ARG2: variants seen among roughly 807,000 people sequenced by gnomAD.
ARG2 encodes the protein arginase 2.
In ARG2, 21 loss-of-function variants were observed where a neutral mutation model predicts 39.4. That is an observed-to-expected ratio of 0.53 (90% CI 0.38 to 0.77). The LOEUF (loss-of-function observed/expected upper bound fraction) is 0.77, where lower values mean the gene tolerates loss of function less well. Ranked by LOEUF, ARG2 falls within the 30% of genes least tolerant of loss-of-function variation. The pLI is 0.00. For missense variants in ARG2, 378 were observed against 426.2 expected, an observed-to-expected ratio of 0.89 and a Z score of 1.00; for synonymous variants, 150 against 156.7, an observed-to-expected ratio of 0.96 and a Z score of 0.32.
chr14:67,621,068 C>A (rs1166750426), intron 2 of ARG2, 102 bp downstream of exon 2: 2 of 1,076,442 alleles, frequency 1.9e-6, no homozygotes, highest in African/African-American at 1.6e-5. Flanking sequence ...TGTTTGGGAA[C>A]AGTCTGCCAC....
chr14:67,635,343 TTTACC>T (rs1236885424), intron 2 of ARG2, among the ~76,000 whole-genome samples: 1 of 152,124 alleles, frequency 6.6e-6, no homozygotes, highest in African/African-American at 2.4e-5. Context: ...ACCAAATGAG[TTTACC>T]TAAATAACAG....
chr14:67,639,741 C>T (rs372185733), intron 2 of ARG2, among the ~76,000 whole-genome samples: 53 of 151,922 alleles, frequency 3.5e-4, no homozygotes, highest in South Asian at 1.9e-3. Flanking sequence ...GCCAACATGG[C>T]GAAACCCTGT....
At chr14:67,621,513 T>C (rs2036810494) in intron 2 of ARG2, among the ~76,000 whole-genome samples, 2 of 151,906 alleles carry the variant, frequency 1.3e-5, no homozygotes, top group East Asian at 3.9e-4. Flanking sequence ...TGGAGTGCAG[T>C]GATGCAATAT....
chr14:67,644,859 A>T (rs925092695), intron 3 of ARG2, among the ~76,000 whole-genome samples: 2 of 152,098 alleles, frequency 1.3e-5, no homozygotes, highest in Non-Finnish European at 2.9e-5. Context: ...TTAGCCAGGC[A>T]TGGTGGCATG....
intron 2 of ARG2, among the ~76,000 whole-genome samples, chr14:67,626,619 C>T (rs947711220): frequency 6.6e-6 from 1 of 152,118 alleles, no homozygotes; most frequent in Admixed American, 6.6e-5. Context: ...CACAGGCAAG[C>T]ACCACCATGC....
rs2140795199 is a variant in ARG2, at chr14:67,651,607, TAGC to T, written c.*690_*692del. ...CTGTATGTTTGATCACACAGCCACTTAGCAGGAAGTACTCATAAGGTTCTTTAG... is the reference window on the plus strand; with the variant it reads ...CTGTATGTTTGATCACACAGCCACTTAGGAAGTACTCATAAGGTTCTTTAG... On this transcript the variant is annotated 3_prime_UTR_variant, in exon 8 of 8. Transcript: ENST00000261783. 9.9e-7 allele frequency: 1 copy of T among 1,010,444 alleles called. No homozygotes were observed. The highest frequency in any genetic ancestry group is 2.8e-5 in the East Asian group (1 of 36,098). 62.6% of individuals were successfully genotyped at this position (1,010,444 alleles called of 1,614,324 possible).
chr14:67,645,504 T>C (rs1403010615), intron 3 of ARG2, 139 bp from the exon 4 acceptor site: 2 of 885,650 alleles, frequency 2.3e-6, no homozygotes, highest in East Asian at 2.7e-5. Flanking sequence ...CTACAGGTCT[T>C]GCCTCACCCA....
chr14:67,638,469 C>T (rs1297990618), intron 2 of ARG2, among the ~76,000 whole-genome samples: 1 of 152,144 alleles, frequency 6.6e-6, no homozygotes, highest in African/African-American at 2.4e-5. Context: ...TCCAATTTTA[C>T]AGAGAATTTC....
chr14:67,647,883 A>G, intron 6 of ARG2, 164 bp from the exon 7 acceptor site: 1 of 694,236 alleles, frequency 1.4e-6, no homozygotes, highest in Non-Finnish European at 2.3e-6. Context: ...AATCTCAGTA[A>G]CTTCCAAGAA....
intron 2 of ARG2, among the ~76,000 whole-genome samples, chr14:67,623,042 T>A (rs186633208): frequency 6.6e-6 from 1 of 152,198 alleles, no homozygotes; most frequent in African/African-American, 2.4e-5. Context: ...GAGGCTTCAG[T>A]TTATATGGCC....
In ARG2 at chr14:67,651,614, A is replaced by AAGT; in HGVS notation, c.*696_*698dup. 1 of 926,608 alleles carries AAGT rather than the reference A, an allele frequency of 1.1e-6. No homozygotes were observed. Among genetic ancestry groups the AAGT allele is most frequent in the Non-Finnish European group, 1.6e-6 (1 of 633,284 alleles). The allele number at this position is 926,608 out of a possible 1,614,324, so 57.4% of individuals were successfully genotyped here. ...TTTGATCACACAGCCACTTAGCAGGAAGTACTCATAAGGTTCTTTAGCTGT... is the reference window on the plus strand; with the variant it reads ...TTTGATCACACAGCCACTTAGCAGGAAGTAGTACTCATAAGGTTCTTTAGCTGT... On this transcript the variant is annotated 3_prime_UTR_variant, in exon 8 of 8. Transcript: ENST00000261783.
Position 67,619,927 on chromosome 14 carries a change from G to C in ARG2, c.-51G>C. ...CGGCGGGCGGTGGCGCTCACTCCCG[G>C]CTTCCAACCGCGCGGAGCCTCTGCC... On this transcript the variant is annotated 5_prime_UTR_variant, in exon 1 of 8. Transcript: ENST00000261783. The C allele has an allele frequency of 7.6e-7, 1 of 1,312,578 alleles. No individual in the cohort carries two copies. 81.3% of individuals were successfully genotyped at this position (1,312,578 alleles called of 1,614,324 possible).
intron 2 of ARG2, among the ~76,000 whole-genome samples, chr14:67,634,873 G>A (rs1353159880): frequency 6.6e-6 from 1 of 152,218 alleles, no homozygotes; most frequent in Non-Finnish European, 1.5e-5. Context: ...CTTGGAGGAA[G>A]GAGATGTTAC....
chr14:67,639,706 C>T (rs1566801953), intron 2 of ARG2, among the ~76,000 whole-genome samples: 4 of 151,836 alleles, frequency 2.6e-5, no homozygotes, highest in South Asian at 2.1e-4. Flanking sequence ...GGATCACTTG[C>T]GGTCAGGAGT....
intron 2 of ARG2, among the ~76,000 whole-genome samples, chr14:67,624,399 T>C (rs774831888): frequency 1.3e-5 from 2 of 152,178 alleles, no homozygotes; most frequent in African/African-American, 2.4e-5. Flanking sequence ...TGAGACTGGG[T>C]AATTTAAAAA....
At chr14:67,649,513 T>C (rs1231344855) in intron 7 of ARG2, 4 of 152,104 alleles carry the variant, frequency 2.6e-5, no homozygotes, top group African/African-American at 9.7e-5. Flanking sequence ...ATAAGTCATG[T>C]ATATATTTCT....
chr14:67,630,305 G>A (rs2036906308), intron 2 of ARG2, among the ~76,000 whole-genome samples: 1 of 152,186 alleles, frequency 6.6e-6, no homozygotes, highest in Admixed American at 6.5e-5. Flanking sequence ...TAAACAATTT[G>A]GAAAGTAGTC....
chr14:67,648,271 C>T, intron 7 of ARG2, 88 bp downstream of exon 7: 1 of 1,429,032 alleles, frequency 7.0e-7, no homozygotes. Context: ...TCTGCTATTC[C>T]ACATCATTGC....
In ARG2 at chr14:67,620,911, G is replaced by GC. The variant is rs1566793021; in HGVS notation, c.130dup (p.His44ProfsTer37). The GC allele has an allele frequency of 6.2e-7, 1 of 1,614,216 alleles. No individual in the cohort carries two copies. ...ACTGACAGAAAAGAAAAGGAGTGGA[G>GC]CATGGTCCCGCTGCCATAAGAGAAG... On this transcript the variant is annotated frameshift_variant, in exon 2 of 8. Coordinates refer to ENST00000261783, the MANE Select transcript of ARG2 (RefSeq NM_001172.4). LOFTEE classifies it high-confidence loss of function.
Sources: gnomAD v4.1 joint callset for allele counts (sites outside exome capture counted in the v4.1 genomes callset) on GRCh38, gnomAD v4.1.1 for gene constraint, MANE v1.5 for transcripts, NCBI Gene and HGNC (gene_info 2026-07-23, HGNC 2026-07-21) for gene names.